The following EVA1C variants were observed in gnomAD, a reference collection of about 807,000 sequenced individuals.
EVA1C encodes protein eva-1 homolog C.
Under a neutral mutation model 45.4 loss-of-function variants are expected in EVA1C, and 25 were observed. That is an observed-to-expected ratio of 0.55 (90% CI 0.40 to 0.77). The LOEUF (loss-of-function observed/expected upper bound fraction) is 0.77. Ranked by LOEUF, EVA1C falls within the 30% of genes least tolerant of loss-of-function variation. The pLI is 0.00. For missense variants in EVA1C, 479 were observed against 554.8 expected (o/e 0.86, Z 1.37); for synonymous variants, 190 against 221.2 (o/e 0.86, Z 1.25).
In EVA1C at chr21:32,499,167, G is replaced by C. The variant is rs1234799134; in HGVS notation, c.779-2248G>C. 2.0e-5 allele frequency among the ~76,000 whole-genome samples: 3 copies of C among 152,166 alleles called. No individual in the cohort carries two copies. In the East Asian group the frequency reaches 5.8e-4, roughly 29 times the overall value. ...CTGTAAAGCCTCTGGCATTTGCCAA[G>C]AGCCAAGGCCCTCCTGAAGCCATAG... On this transcript the variant is annotated intron_variant, in intron 5 of 7. Coordinates refer to ENST00000300255, the MANE Select transcript of EVA1C (RefSeq NM_058187.5).
intron 4 of EVA1C, among the ~76,000 whole-genome samples, chr21:32,482,311 C>T (rs751575847): frequency 1.3e-5 from 2 of 152,110 alleles, no homozygotes; most frequent in African/African-American, 2.4e-5. Context: ...GCAGTTGCCT[C>T]GTACAGACCT....
At chr21:32,416,241 GTTGTTTC>G (rs766705852) in intron 1 of EVA1C, among the ~76,000 whole-genome samples, 270 of 151,252 alleles carry the variant, frequency 1.8e-3, no homozygotes, top group Middle Eastern at 3.4e-3. Context: ...TCTAATTTGT[GTTGTTTC>G]TCTGCTGAAG....
chr21:32,433,045 T>G (rs1485410433), intron 1 of EVA1C: 1 of 152,284 alleles, frequency 6.6e-6, no homozygotes, highest in Non-Finnish European at 1.5e-5. Context: ...TCTTTTCTCT[T>G]GGGATTAATG....
Position 32,412,987 on chromosome 21 carries a change from A to T in EVA1C, c.134A>T (p.Glu45Val). Residue 45 changes from glutamate to valine, a missense_variant, in exon 1 of 8, where the codon GAG (glutamate) becomes GTG (valine). Coordinates refer to ENST00000300255, the MANE Select transcript of EVA1C (RefSeq NM_058187.5). The stretch of plus-strand genomic sequence containing the variant: ...TGCACTGTCCTGGTCTGCTCCAAAG[A>T]GATCTCAGCGCTCACCGACTTCTCT... ...FYCTVLVCSK[E>V]ISALTDFSGY... 6.8e-7 allele frequency: 1 copy of T among 1,480,012 alleles called. No homozygotes were observed. The highest frequency in any genetic ancestry group is 9.0e-7 in the Non-Finnish European group (1 of 1,109,362). 91.7% of individuals were successfully genotyped at this position (1,480,012 alleles called of 1,614,324 possible). A position where few individuals can be genotyped will look rare whatever the true frequency, so the allele number is the denominator to read the frequency against.
At chr21:32,502,036 C>CTTTCTTTCTTTCT (rs2037567285) in intron 6 of EVA1C, among the ~76,000 whole-genome samples, 1 of 78,236 alleles carries the variant, frequency 1.3e-5, no homozygotes, top group African/African-American at 4.7e-5. Context: ...TTCTTTCTTT[C>CTTTCTTTCTTTCT]TTTCTTTCTT....
At chr21:32,430,021 G>C (rs1018504516) in intron 1 of EVA1C, among the ~76,000 whole-genome samples, 1 of 152,190 alleles carries the variant, frequency 6.6e-6, no homozygotes, top group Non-Finnish European at 1.5e-5. Flanking sequence ...GTGGCCTGAG[G>C]CCACGACTCT....
At chr21:32,432,105 T>C (rs556033160) in intron 1 of EVA1C, among the ~76,000 whole-genome samples, 12 of 152,124 alleles carry the variant, frequency 7.9e-5, no homozygotes, top group Non-Finnish European at 1.6e-4. Flanking sequence ...TGTCCCTTAC[T>C]TTGGATTTGG....
intron 1 of EVA1C, among the ~76,000 whole-genome samples, chr21:32,431,577 C>A (rs1173941821): frequency 1.3e-5 from 2 of 152,234 alleles, no homozygotes; most frequent in Non-Finnish European, 2.9e-5. Flanking sequence ...CTGAGATGAT[C>A]CTATTACATC....
chr21:32,463,905 A>G (rs2036087852), intron 3 of EVA1C, among the ~76,000 whole-genome samples: 1 of 152,112 alleles, frequency 6.6e-6, no homozygotes, highest in African/African-American at 2.4e-5. Context: ...GGCATTCTTA[A>G]CATTTTTCTG....
At chr21:32,460,366 C>T (rs1161161118) in intron 3 of EVA1C, among the ~76,000 whole-genome samples, 5 of 152,166 alleles carry the variant, frequency 3.3e-5, no homozygotes, top group Admixed American at 1.3e-4. Context: ...CTCATCCTGC[C>T]ACCCCTCTCT....
intron 4 of EVA1C, among the ~76,000 whole-genome samples, chr21:32,475,535 T>G (rs2036525125): frequency 6.6e-6 from 1 of 151,348 alleles, no homozygotes; most frequent in Non-Finnish European, 1.5e-5. Context: ...GTAATGGCAG[T>G]TCTAAGCAGA....
rs150581084 is a variant in EVA1C, at chr21:32,462,300, G to A, written c.481+4580G>A. Among the ~76,000 whole-genome samples the A allele has an allele frequency of 5.6e-3, 849 of 152,152 alleles. 10 individuals are homozygous for A. Among genetic ancestry groups the A allele is most frequent in the Admixed American group, 0.035 (528 of 15,290 alleles). The stretch of plus-strand genomic sequence containing the variant: ...TCCTAGCCACTTGGGAGGCTGAAGT[G>A]GGAGGATTGCTTGAGCCCAGGAGTT... On this transcript the variant is annotated intron_variant, in intron 3 of 7. Coordinates refer to ENST00000300255, the MANE Select transcript of EVA1C (RefSeq NM_058187.5).
At chr21:32,451,325 C>A (rs2035571394) in intron 1 of EVA1C, among the ~76,000 whole-genome samples, 2 of 152,322 alleles carry the variant, frequency 1.3e-5, no homozygotes, top group South Asian at 4.1e-4. Context: ...TGAAAAGTCC[C>A]TGGCTCTCCT....
At chr21:32,501,984 TTTTCTTTCTTTCTTTCTTTCTTTC>T (rs563785580) in intron 6 of EVA1C, among the ~76,000 whole-genome samples, 5,768 of 120,528 alleles carry the variant, frequency 0.048, 159 homozygotes, top group African/African-American at 0.054. Flanking sequence ...TCTCTCGCTC[TTTTCTTTCTTTCTTTCTTTCTTTC>T]TTTCTTTCTT....
intron 1 of EVA1C, among the ~76,000 whole-genome samples, chr21:32,441,489 G>A (rs144538594): frequency 2.1e-3 from 307 of 149,340 alleles, no homozygotes; most frequent in Non-Finnish European, 3.3e-3. Flanking sequence ...AGTCAAGCAG[G>A]AGAATGGCAG....
chr21:32,470,822 G>A (rs1372948796), intron 4 of EVA1C, among the ~76,000 whole-genome samples: 2 of 150,930 alleles, frequency 1.3e-5, no homozygotes, highest in African/African-American at 2.4e-5. Context: ...GCAATGGTGC[G>A]ATCTCGGCTC....
In EVA1C at chr21:32,474,621, G is replaced by A. The variant is rs1231533493; in HGVS notation, c.634+6773G>A. 6.6e-6 allele frequency among the ~76,000 whole-genome samples: 1 copy of A among 152,220 alleles called. No homozygotes were observed. Among genetic ancestry groups the A allele is most frequent in the East Asian group, 1.9e-4 (1 of 5,192 alleles). ...TCCCCAGGAGCTAAGCAGCTCTGCA[G>A]GGACTGGTCTGTGGAATTCCCAGCA... On this transcript the variant is annotated intron_variant, in intron 4 of 7. Coordinates refer to ENST00000300255, the MANE Select transcript of EVA1C (RefSeq NM_058187.5). This position sits in a 1 kb window ranked among gnomAD's most constrained non-coding sequence, Gnocchi z 4.4.
intron 3 of EVA1C, among the ~76,000 whole-genome samples, chr21:32,465,852 T>A (rs1011845029): frequency 6.6e-6 from 1 of 152,190 alleles, no homozygotes; most frequent in African/African-American, 2.4e-5. Context: ...TTACATAGCA[T>A]AAAATTCACA....
chr21:32,413,027 C>G lies in EVA1C; in HGVS notation c.160+14C>G. ...CCGACTTCTCTGGTAAGAGCGCCCT[C>G]CCTGGCTGTGTGCCCCCGGCACCGC... On this transcript the variant is annotated intron_variant, in intron 1 of 7. Coordinates refer to ENST00000300255, the MANE Select transcript of EVA1C (RefSeq NM_058187.5). 1.4e-6 allele frequency: 2 copies of G among 1,391,020 alleles called. No individual in the cohort carries two copies. Among genetic ancestry groups the G allele is most frequent in the Non-Finnish European group, 9.4e-7 (1 of 1,063,416 alleles). The allele number at this position is 1,391,020 out of a possible 1,614,324, so 86.2% of individuals were successfully genotyped here.
Sources: allele counts gnomAD v4.1 joint callset (sites outside exome capture counted in the v4.1 genomes callset), GRCh38; gene constraint gnomAD v4.1.1; non-coding constraint Gnocchi (gnomAD v3.1); transcripts MANE v1.5; gene names NCBI Gene and HGNC (gene_info 2026-07-23, HGNC 2026-07-21).